The following SERPINH1 variants were observed in gnomAD, a reference collection of about 807,000 sequenced individuals.
SERPINH1 encodes the protein serpin H1.
Under a neutral mutation model 32.3 loss-of-function variants are expected in SERPINH1, and 22 were observed. The observed-to-expected ratio is 0.68, with a 90% CI of 0.49 to 0.97. The LOEUF is 0.97. Ranked by LOEUF, SERPINH1 falls within the 50% of genes least tolerant of loss-of-function variation. The pLI, the probability that SERPINH1 is intolerant of heterozygous loss-of-function variation, is 0.00. For synonymous variants in SERPINH1, 251 were observed against 245.9 expected (o/e 1.02, Z -0.19); for missense variants, 543 against 576.4 (o/e 0.94, Z 0.59).
At chr11:75,564,712 G>A (rs1592198639) in intron 1 of SERPINH1, among the ~76,000 whole-genome samples, 1 of 152,080 alleles carries the variant, frequency 6.6e-6, no homozygotes, top group Admixed American at 6.5e-5. Context: ...AGATCTCCCC[G>A]CTCCTTCCAG....
chr11:75,572,175 G>C lies in SERPINH1; in HGVS notation c.*92G>C. ...GGGTTGGGGGGGAGGTGAGGTACCA[G>C]CCTTGGATACTCCATGGGGTGGGGG... On this transcript the variant is annotated 3_prime_UTR_variant, in exon 5 of 5. Transcript: ENST00000358171. 1 of 1,274,618 alleles carries C rather than the reference G, an allele frequency of 7.8e-7. No homozygotes were observed. Among genetic ancestry groups the C allele is most frequent in the Non-Finnish European group, 1.1e-6 (1 of 894,294 alleles). 79.0% of individuals were successfully genotyped at this position (1,274,618 alleles called of 1,614,324 possible). A position where few individuals can be genotyped will look rare whatever the true frequency, so the allele number is the denominator to read the frequency against.
At chr11:75,566,274 G>A in intron 1 of SERPINH1, 42 bp from the exon 2 acceptor site, 2 of 1,530,034 alleles carry the variant, frequency 1.3e-6, no homozygotes, top group Non-Finnish European at 1.8e-6. Context: ...GGGGAGGAAG[G>A]CCTTGGGCTT....
At chr11:75,571,556 G>C (rs540131806) in intron 4 of SERPINH1, among the ~76,000 whole-genome samples, 1 of 152,348 alleles carries the variant, frequency 6.6e-6, no homozygotes, top group East Asian at 1.9e-4. Context: ...CTGAGTCTCA[G>C]CTTCCTCATC....
intron 2 of SERPINH1, chr11:75,568,367 T>C (rs1329482655): frequency 2.7e-6 from 1 of 372,236 alleles, no homozygotes; most frequent in Admixed American, 3.7e-5. Context: ...GTCCCCCAGG[T>C]ACCAGGGAGG....
chr11:75,566,636 T>TGCTGAGCGCCGAGCA lies in SERPINH1; in HGVS notation c.292_306dup (p.Ser98_Leu102dup). On this transcript the variant is annotated inframe_insertion, in exon 2 of 5. Transcript: ENST00000358171. ...ACCACGGCGTCGCAGGCCAAGGCAG[T>TGCTGAGCGCCGAGCA]GCTGAGCGCCGAGCAGCTGCGCGAC... 1 of 1,607,916 alleles carries TGCTGAGCGCCGAGCA rather than the reference T, an allele frequency of 6.2e-7. No individual in the cohort carries two copies. The highest frequency in any genetic ancestry group is 1.3e-5 in the African/African-American group (1 of 74,954).
At chr11:75,567,075 T>G in intron 2 of SERPINH1, 104 bp downstream of exon 2, 2 of 1,305,634 alleles carry the variant, frequency 1.5e-6, no homozygotes, top group Non-Finnish European at 2.1e-6. Flanking sequence ...CTCTCATTTA[T>G]GCTGTGACAA....
At chr11:75,570,135 A>G (rs577242503) in intron 4 of SERPINH1, among the ~76,000 whole-genome samples, 2 of 152,198 alleles carry the variant, frequency 1.3e-5, no homozygotes, top group South Asian at 4.2e-4. Flanking sequence ...CAAGGTAAAA[A>G]CATAATAGCC....
chr11:75,572,158 G>T lies in SERPINH1; in HGVS notation c.*75G>T. On this transcript the variant is annotated 3_prime_UTR_variant, in exon 5 of 5. Transcript: ENST00000358171. ...ACACATGGGTGCTATTGGGGTTGGG[G>T]GGGAGGTGAGGTACCAGCCTTGGAT... The T allele has an allele frequency of 3.5e-6, 5 of 1,446,630 alleles. No homozygotes were observed. The South Asian group carries it at 5.9e-5, about 17-fold the overall frequency. The allele number at this position is 1,446,630 out of a possible 1,614,324, so 89.6% of individuals were successfully genotyped here.
At chr11:75,565,817 C>A (rs1942063901) in intron 1 of SERPINH1, among the ~76,000 whole-genome samples, 1 of 152,256 alleles carries the variant, frequency 6.6e-6, no homozygotes, top group Non-Finnish European at 1.5e-5. Context: ...AGCTCAGCTG[C>A]TGCTTTTTCT....
At chr11:75,568,492 A>G in intron 2 of SERPINH1, 1 of 580,314 alleles carries the variant, frequency 1.7e-6, no homozygotes, top group African/African-American at 1.9e-5. Context: ...ATATGGGAGC[A>G]GCAGGCACTG....
chr11:75,568,465 G>A (rs563954714), intron 2 of SERPINH1: 40 of 520,138 alleles, frequency 7.7e-5, no homozygotes, highest in African/African-American at 4.0e-4. Flanking sequence ...ACCTGAGGGC[G>A]GAATTAATTC....
rs1942101328 is a variant in SERPINH1 at position 75,566,960 on chromosome 11, T to G, written c.611T>G (p.Met204Arg). The G allele has an allele frequency of 6.3e-7, 1 of 1,598,948 alleles. No individual in the cohort carries two copies. Among genetic ancestry groups the G allele is most frequent in the African/African-American group, 1.3e-5 (1 of 74,996 alleles). Residue 204 changes from methionine to arginine, a missense_variant, in exon 2 of 5, where the codon ATG becomes AGG. Coordinates refer to ENST00000358171, the MANE Select transcript of SERPINH1 (RefSeq NM_001235.5). ...RTDGALLVNAMFFKPHWDEKF... is the reference protein window; with the variant it reads ...RTDGALLVNARFFKPHWDEKF... The stretch of plus-strand genomic sequence containing the variant: ...GACGGCGCCCTGCTAGTCAACGCCA[T>G]GTTCTTCAAGCGTGAGTCGGGGGCG...
intron 4 of SERPINH1, among the ~76,000 whole-genome samples, chr11:75,569,826 A>G (rs1222742685): frequency 6.6e-6 from 1 of 152,156 alleles, no homozygotes; most frequent in East Asian, 1.9e-4. Flanking sequence ...AGGTTAAGTA[A>G]CCTGTGCAAA....
At chr11:75,570,767 T>C (rs1318078552) in intron 4 of SERPINH1, among the ~76,000 whole-genome samples, 1 of 152,178 alleles carries the variant, frequency 6.6e-6, no homozygotes, top group Non-Finnish European at 1.5e-5. Context: ...GCGCTGGACA[T>C]GGGCCCCGCC....
chr11:75,567,241 T>C (rs1942107445), intron 2 of SERPINH1, among the ~76,000 whole-genome samples: 1 of 152,266 alleles, frequency 6.6e-6, no homozygotes, highest in Admixed American at 6.5e-5. Flanking sequence ...GTGCTCGTCC[T>C]TGTGTATCTT....
chr11:75,566,213 G>A lies in SERPINH1; in HGVS notation c.-34-103G>A, dbSNP rs147548875. ...GGATTCCTGGACTGTGGGCTCTCTT[G>A]CCCCCATCTCCAGGGGACTTGTGGC... On this transcript the variant is annotated intron_variant, in intron 1 of 4. Transcript: ENST00000358171. The A allele has an allele frequency of 7.7e-3, 8,018 of 1,046,974 alleles. 47 individuals are homozygous for A. The highest frequency in any genetic ancestry group is 9.7e-3 in the Non-Finnish European group (6,831 of 705,256). 64.9% of individuals were successfully genotyped at this position (1,046,974 alleles called of 1,614,324 possible).
Position 75,572,712 on chromosome 11 carries a change from T to A in SERPINH1, c.*629T>A, listed in dbSNP as rs1299548857. On this transcript the variant is annotated 3_prime_UTR_variant, in exon 5 of 5. Transcript: ENST00000358171. Reference sequence around the variant, plus strand: ...AAAGATAGGGAGGGAAGGGGGAACATGAGCCTTTGTTGCTATCAATCCAAG... The same window carrying A: ...AAAGATAGGGAGGGAAGGGGGAACAAGAGCCTTTGTTGCTATCAATCCAAG... 5.1e-5 allele frequency: 8 copies of A among 156,278 alleles called. No individual in the cohort carries two copies. The highest frequency in any genetic ancestry group is 4.9e-4 in the Admixed American group (8 of 16,392). The allele number at this position is 156,278 out of a possible 1,614,324, so 9.7% of individuals were successfully genotyped here. A position where few individuals can be genotyped will look rare whatever the true frequency, so the allele number is the denominator to read the frequency against.
intron 4 of SERPINH1, among the ~76,000 whole-genome samples, chr11:75,571,424 A>G (rs1454543307): frequency 6.6e-6 from 1 of 152,162 alleles, no homozygotes; most frequent in Non-Finnish European, 1.5e-5. Flanking sequence ...AGAGATTCTG[A>G]TTCAGGGGGT....
intron 1 of SERPINH1, chr11:75,562,572 G>C (rs1941997176): frequency 6.6e-6 from 1 of 152,466 alleles, no homozygotes; most frequent in African/African-American, 2.4e-5. Flanking sequence ...CGTGCACTCG[G>C]AGGACTGGGA....
Sources: gnomAD v4.1 joint callset for allele counts (sites outside exome capture counted in the v4.1 genomes callset) on GRCh38, gnomAD v4.1.1 for gene constraint, MANE v1.5 for transcripts, NCBI Gene and HGNC (gene_info 2026-07-23, HGNC 2026-07-21) for gene names.